Variants in BRINP2 observed in about 807,000 individuals in gnomAD.
BRINP2 encodes the protein BMP/retinoic acid-inducible neural-specific protein 2.
A neutral mutation model predicts 69.2 loss-of-function variants in BRINP2; 21 were observed. That is an observed-to-expected ratio of 0.30 (90% CI 0.22 to 0.44). BRINP2 has a LOEUF of 0.44. BRINP2 is among the 20% of genes least tolerant of loss of function. The pLI, the probability that BRINP2 is intolerant of heterozygous loss-of-function variation, is 1.00. For synonymous variants in BRINP2, 380 were observed against 394.1 expected, an observed-to-expected ratio of 0.96 and a Z score of 0.42; for missense variants, 877 against 986.0, an observed-to-expected ratio of 0.89 and a Z score of 1.48.
In BRINP2 at chr1:177,229,720, C is replaced by A. The variant is rs373442383; in HGVS notation, c.-76-81C>A. Reference sequence around the variant, plus strand: ...TAGCATAAAGGATTTCCGGAATGGGCCCAACCCAATTATGTGTGATGCTCA... The same window carrying A: ...TAGCATAAAGGATTTCCGGAATGGGACCAACCCAATTATGTGTGATGCTCA... On this transcript the variant is annotated intron_variant, in intron 1 of 7. Transcript: ENST00000361539. 1.7e-4 allele frequency: 180 copies of A among 1,037,446 alleles called. 1 individual carries two copies. In the African/African-American group the frequency reaches 2.6e-3, roughly 15 times the overall value. The allele number at this position is 1,037,446 out of a possible 1,614,324, so 64.3% of individuals were successfully genotyped here. A position where few individuals can be genotyped will look rare whatever the true frequency, so the allele number is the denominator to read the frequency against.
At chr1:177,208,075 A>T (rs1206411155) in intron 1 of BRINP2, among the ~76,000 whole-genome samples, 1 of 152,232 alleles carries the variant, frequency 6.6e-6, no homozygotes, top group Admixed American at 6.5e-5. Context: ...TTAGAAATTA[A>T]TCTCTTTAGC....
Position 177,281,790 on chromosome 1 carries a change from G to A in BRINP2, c.*262G>A, listed in dbSNP as rs2102367838. On this transcript the variant is annotated 3_prime_UTR_variant, in exon 8 of 8. Transcript: ENST00000361539. Reference sequence around the variant, plus strand: ...AGCCTCAGATCTGTAAAGTTGATTGGTGCTTTCTAAAATGAATGCAATTGA... The same window carrying A: ...AGCCTCAGATCTGTAAAGTTGATTGATGCTTTCTAAAATGAATGCAATTGA... 1 of 345,940 alleles carries A rather than the reference G, an allele frequency of 2.9e-6. No individual in the cohort carries two copies. Among genetic ancestry groups the A allele is most frequent in the Admixed American group, 4.5e-5 (1 of 22,254 alleles). 21.4% of individuals were successfully genotyped at this position (345,940 alleles called of 1,614,324 possible).
In BRINP2 at chr1:177,236,862, G is replaced by T. The variant is rs111267936; in HGVS notation, c.269+6717G>T. ...CCACTGGTTATTTATGCCATACTTT[G>T]TCTCTCTGAAATGCCAAAAGTGTCT... On this transcript the variant is annotated intron_variant, in intron 2 of 7. Transcript: ENST00000361539. 2.2e-3 allele frequency among the ~76,000 whole-genome samples: 333 copies of T among 150,626 alleles called. 2 individuals carry two copies. The highest frequency in any genetic ancestry group is 7.5e-3 in the African/African-American group (309 of 40,950).
At chr1:177,266,357 A>G (rs1651119539) in intron 4 of BRINP2, among the ~76,000 whole-genome samples, 1 of 152,040 alleles carries the variant, frequency 6.6e-6, no homozygotes, top group Non-Finnish European at 1.5e-5. Flanking sequence ...GCTTTACTCA[A>G]ATATGTCATA....
At chr1:177,262,562 G>A (rs1004758864) in intron 4 of BRINP2, among the ~76,000 whole-genome samples, 1 of 151,438 alleles carries the variant, frequency 6.6e-6, no homozygotes, top group Non-Finnish European at 1.5e-5. Flanking sequence ...ATGTAGGAGA[G>A]ACAGAAGATA....
At chr1:177,248,472 C>CAT (rs1558176102) in intron 2 of BRINP2, among the ~76,000 whole-genome samples, 9 of 117,644 alleles carry the variant, frequency 7.7e-5, no homozygotes, top group African/African-American at 2.5e-4. Flanking sequence ...TGTGTGTGTG[C>CAT]GTGTGTGTGT....
chr1:177,192,139 G>T (rs1365303683), intron 1 of BRINP2, among the ~76,000 whole-genome samples: 1 of 152,178 alleles, frequency 6.6e-6, no homozygotes, highest in East Asian at 1.9e-4. Context: ...TAATTGCTCT[G>T]CTATGAGCAG....
intron 2 of BRINP2, among the ~76,000 whole-genome samples, chr1:177,243,043 T>C (rs552645095): frequency 6.4e-4 from 97 of 152,292 alleles, no homozygotes; most frequent in Non-Finnish European, 1.1e-3. Context: ...ATAGGATTAT[T>C]TGGTGATAAC....
chr1:177,193,462 C>G (rs1230276934), intron 1 of BRINP2, among the ~76,000 whole-genome samples: 1 of 152,136 alleles, frequency 6.6e-6, no homozygotes, highest in Non-Finnish European at 1.5e-5. Context: ...AGAGGTAATA[C>G]TAATGGAATT....
intron 1 of BRINP2, among the ~76,000 whole-genome samples, chr1:177,187,396 A>T (rs1196741823): frequency 1.3e-5 from 2 of 152,136 alleles, no homozygotes; most frequent in Non-Finnish European, 2.9e-5. Flanking sequence ...CTAGACCCAG[A>T]CCTTTTGGCA....
At chr1:177,227,213 T>C (rs962936178) in intron 1 of BRINP2, among the ~76,000 whole-genome samples, 8 of 152,196 alleles carry the variant, frequency 5.3e-5, no homozygotes, top group African/African-American at 1.9e-4. Flanking sequence ...CATTTGGGAA[T>C]TCTGTGTTCC....
At position 177,233,042 on chromosome 1, in the gene BRINP2, T is replaced by C. The variant is rs545069878; in HGVS notation, c.269+2897T>C. 2.0e-4 allele frequency among the ~76,000 whole-genome samples: 30 copies of C among 152,312 alleles called. No homozygotes were observed. In the South Asian group the frequency reaches 5.6e-3, roughly 28 times the overall value. On this transcript the variant is annotated intron_variant, in intron 2 of 7. Transcript: ENST00000361539. ...AGAGACCCTCCTTCTCTTCTACCTGTTGAACAGATCAAAACAATTGTACAG... is the reference window on the plus strand; with the variant it reads ...AGAGACCCTCCTTCTCTTCTACCTGCTGAACAGATCAAAACAATTGTACAG...
intron 1 of BRINP2, among the ~76,000 whole-genome samples, chr1:177,222,654 T>A (rs1649571345): frequency 6.6e-6 from 1 of 151,774 alleles, no homozygotes; most frequent in South Asian, 2.1e-4. Flanking sequence ...TTAACTCTTT[T>A]AATCCTCACA....
intron 1 of BRINP2, among the ~76,000 whole-genome samples, chr1:177,216,017 T>C (rs1157473408): frequency 6.6e-6 from 1 of 152,078 alleles, no homozygotes; most frequent in Admixed American, 6.5e-5. Context: ...TAAGGAGAAG[T>C]GAATCTCTTA....
At chr1:177,278,874 G>A in intron 7 of BRINP2, 89 bp downstream of exon 7, 4 of 1,306,048 alleles carry the variant, frequency 3.1e-6, no homozygotes, top group Admixed American at 1.9e-5. Flanking sequence ...CAATGTAGGG[G>A]ATCAGGGAGT....
chr1:177,225,801 A>C (rs958630534), intron 1 of BRINP2, among the ~76,000 whole-genome samples: 23 of 152,254 alleles, frequency 1.5e-4, no homozygotes, highest in African/African-American at 5.5e-4. Context: ...ACCTGTTTAA[A>C]ACTTCTCTTT....
chr1:177,256,858 C>T, intron 3 of BRINP2: 3 of 1,184,714 alleles, frequency 2.5e-6, no homozygotes, highest in Non-Finnish European at 3.2e-6. Flanking sequence ...TCCTCGTAAA[C>T]AACTTGAGAG....
At chr1:177,185,918 G>A (rs72720757) in intron 1 of BRINP2, among the ~76,000 whole-genome samples, 2,992 of 152,268 alleles carry the variant, frequency 0.02, 29 homozygotes, top group South Asian at 0.034. Flanking sequence ...TCCCAATGCC[G>A]CAGGATACTC....
intron 1 of BRINP2, among the ~76,000 whole-genome samples, chr1:177,224,760 T>C (rs1649645683): frequency 1.3e-5 from 2 of 152,242 alleles, no homozygotes; most frequent in South Asian, 4.1e-4. Context: ...GTGATTTTAT[T>C]GTTTGTGCTT....
Sources: gnomAD v4.1 joint callset for allele counts (sites outside exome capture counted in the v4.1 genomes callset) on GRCh38, gnomAD v4.1.1 for gene constraint, MANE v1.5 for transcripts, NCBI Gene and HGNC (gene_info 2026-07-23, HGNC 2026-07-21) for gene names.